The following RAP1A variants were observed in gnomAD, a reference collection of about 807,000 sequenced individuals.
The protein encoded by RAP1A is RAP1A, member of RAS oncogene family, also known as ras-related protein Rap-1A.
RAP1A carries 6 observed loss-of-function variants against 26.4 expected under a neutral mutation model. The ratio of observed to expected loss-of-function variants is 0.23; its 90% confidence interval spans 0.12 to 0.45. RAP1A has a LOEUF of 0.45. Ranked by LOEUF, RAP1A falls within the 20% of genes least tolerant of loss-of-function variation. RAP1A has a pLI of 0.99. For synonymous variants in RAP1A, 73 were observed against 79.4 expected (o/e 0.92, Z 0.43); for missense variants, 121 against 217.2 (o/e 0.56, Z 2.78).
At chr1:111,633,804 C>T (rs989179063) in intron 1 of RAP1A, among the ~76,000 whole-genome samples, 8 of 152,180 alleles carry the variant, frequency 5.3e-5, no homozygotes, top group Admixed American at 1.3e-4. Context: ...GCAGTAGAAA[C>T]CATGGGTTGG....
chr1:111,709,314 C>G, intron 7 of RAP1A, 50 bp downstream of exon 7: 4 of 1,491,528 alleles, frequency 2.7e-6, no homozygotes, highest in Non-Finnish European at 3.6e-6. Context: ...CCTATTTTGG[C>G]TTTTTCCAGA....
At chr1:111,674,280 T>C (rs1418140624) in intron 1 of RAP1A, among the ~76,000 whole-genome samples, 1 of 140,886 alleles carries the variant, frequency 7.1e-6, no homozygotes, top group Non-Finnish European at 1.5e-5. Flanking sequence ...TTTCTTTTCA[T>C]GGACATCACT....
chr1:111,585,066 A>G (rs1557858090), intron 1 of RAP1A, among the ~76,000 whole-genome samples: 1 of 152,230 alleles, frequency 6.6e-6, no homozygotes, highest in Non-Finnish European at 1.5e-5. Context: ...TGGTGTAGAA[A>G]GAGATAAGTC....
At chr1:111,560,755 G>A (rs976687326) in intron 1 of RAP1A, among the ~76,000 whole-genome samples, 1 of 152,160 alleles carries the variant, frequency 6.6e-6, no homozygotes, top group African/African-American at 2.4e-5. Flanking sequence ...GCCTCCAAAA[G>A]TGCTGGGATT....
At chr1:111,655,691 G>A (rs1275892492) in intron 1 of RAP1A, among the ~76,000 whole-genome samples, 1 of 112,092 alleles carries the variant, frequency 8.9e-6, no homozygotes, top group Non-Finnish European at 1.7e-5. Context: ...TTTTTAAGAC[G>A]GAATCTCGCT....
intron 1 of RAP1A, among the ~76,000 whole-genome samples, chr1:111,636,483 ATTT>A (rs796747616): frequency 2.1e-5 from 3 of 143,472 alleles, no homozygotes; most frequent in Non-Finnish European, 3.1e-5. Context: ...AGAAAGGTAA[ATTT>A]TTTTTTTTTT....
At chr1:111,695,608 A>ATTAGTGACTTGT (rs1553227292) in intron 3 of RAP1A, among the ~76,000 whole-genome samples, 199 bp downstream of exon 3, 1 of 152,200 alleles carries the variant, frequency 6.6e-6, no homozygotes, top group African/African-American at 2.4e-5. Context: ...TCTGTTACTG[A>ATTAGTGACTTGT]TTAGTGACTT....
At chr1:111,559,687 C>T (rs1490407923) in intron 1 of RAP1A, among the ~76,000 whole-genome samples, 1 of 152,044 alleles carries the variant, frequency 6.6e-6, no homozygotes, top group Non-Finnish European at 1.5e-5. Flanking sequence ...TTAAAACATC[C>T]ATGTTCCTTT....
At chr1:111,692,055 A>G (rs1373357176) in intron 2 of RAP1A, among the ~76,000 whole-genome samples, 1 of 152,196 alleles carries the variant, frequency 6.6e-6, no homozygotes, top group African/African-American at 2.4e-5. Flanking sequence ...TGTATACCAG[A>G]TAATTGTTTA....
chr1:111,675,445 C>T (rs1661098145), intron 1 of RAP1A, among the ~76,000 whole-genome samples: 1 of 152,062 alleles, frequency 6.6e-6, no homozygotes, highest in South Asian at 2.1e-4. Flanking sequence ...GCACTCCAGC[C>T]TGGGCGACAG....
intron 1 of RAP1A, among the ~76,000 whole-genome samples, chr1:111,578,516 T>G (rs752959435): frequency 3.8e-4 from 57 of 151,368 alleles, no homozygotes; most frequent in Non-Finnish European, 1.3e-4. Flanking sequence ...CAAAAAAAAA[T>G]TACATATGAA....
In RAP1A at chr1:111,707,049, C is replaced by T. The variant is rs981269012; in HGVS notation, c.469-2100C>T. Among the ~76,000 whole-genome samples the T allele has an allele frequency of 9.9e-5, 15 of 152,214 alleles. 1 individual carries two copies. The highest frequency in any genetic ancestry group is 3.9e-4 in the East Asian group (2 of 5,184). On this transcript the variant is annotated intron_variant, in intron 6 of 7. Transcript: ENST00000369709. ...CAGAGTTTTGAAACAACTTGGACTT[C>T]GGAGTTGTAAAACAGAAACTACAAT...
At chr1:111,653,483 A>C (rs1275988985) in intron 1 of RAP1A, among the ~76,000 whole-genome samples, 3 of 151,824 alleles carry the variant, frequency 2.0e-5, no homozygotes, top group Non-Finnish European at 4.4e-5. Flanking sequence ...GGAGTTTGAG[A>C]CCAGCCTGAT....
chr1:111,620,302 C>T (rs1379698915), intron 1 of RAP1A, among the ~76,000 whole-genome samples: 1 of 152,262 alleles, frequency 6.6e-6, no homozygotes, highest in African/African-American at 2.4e-5. Flanking sequence ...TCGCCGTCTC[C>T]CCAGACACGG....
intron 1 of RAP1A, among the ~76,000 whole-genome samples, chr1:111,562,079 A>C (rs1025635594): frequency 6.6e-6 from 1 of 152,146 alleles, no homozygotes; most frequent in Non-Finnish European, 1.5e-5. Flanking sequence ...CTGTGATTCA[A>C]TAACATCATA....
intron 1 of RAP1A, among the ~76,000 whole-genome samples, chr1:111,551,355 C>G (rs367610469): frequency 6.6e-6 from 1 of 152,280 alleles, no homozygotes; most frequent in Non-Finnish European, 1.5e-5. Context: ...TAAATAGACA[C>G]TTTTCTAGGG....
chr1:111,647,068 G>C (rs1660093589), intron 1 of RAP1A, among the ~76,000 whole-genome samples: 1 of 152,174 alleles, frequency 6.6e-6, no homozygotes, highest in Non-Finnish European at 1.5e-5. Flanking sequence ...AGACTAGTTA[G>C]TAAAGGTCCA....
At chr1:111,598,296 G>T (rs370722298) in intron 1 of RAP1A, among the ~76,000 whole-genome samples, 3 of 152,036 alleles carry the variant, frequency 2.0e-5, no homozygotes, top group African/African-American at 7.2e-5. Context: ...TTTAAACTTT[G>T]TAACAACCCT....
intron 1 of RAP1A, among the ~76,000 whole-genome samples, chr1:111,606,378 T>C (rs77672099): frequency 0.018 from 2,704 of 152,302 alleles, 63 homozygotes; most frequent in African/African-American, 0.062. Flanking sequence ...ACGAAGAACC[T>C]TTTATAAGAA....
Sources: allele counts gnomAD v4.1 joint callset (sites outside exome capture counted in the v4.1 genomes callset), GRCh38; gene constraint gnomAD v4.1.1; transcripts MANE v1.5; gene names NCBI Gene and HGNC (gene_info 2026-07-23, HGNC 2026-07-21).